Variants in SYDE2 observed in about 807,000 individuals in gnomAD.
The protein encoded by SYDE2 is rho GTPase-activating protein SYDE2.
SYDE2 carries 76 observed loss-of-function variants against 91.5 expected under a neutral mutation model. The observed-to-expected ratio is 0.83, with a 90% CI of 0.69 to 1.01. The LOEUF is 1.01. Ranked by LOEUF, SYDE2 falls within the 50% of genes least tolerant of loss-of-function variation. The pLI is 0.00. For missense variants in SYDE2, 1,364 were observed against 1,367.7 expected, an observed-to-expected ratio of 1.00 and a Z score of 0.04; for synonymous variants, 513 against 506.4, an observed-to-expected ratio of 1.01 and a Z score of -0.18.
At chr1:85,188,303 G>A (rs1658231602) in intron 2 of SYDE2, among the ~76,000 whole-genome samples, 1 of 151,974 alleles carries the variant, frequency 6.6e-6, no homozygotes, top group Admixed American at 6.6e-5. Context: ...AATTAGAAAT[G>A]CACAAAGAAA....
chr1:85,160,289 T>C (rs1485381876), intron 6 of SYDE2: 1 of 935,090 alleles, frequency 1.1e-6, no homozygotes, highest in Non-Finnish European at 1.3e-6. Context: ...TATAAAAACA[T>C]ATATATGGTT....
intron 3 of SYDE2, among the ~76,000 whole-genome samples, chr1:85,180,192 T>C (rs1317218037): frequency 6.6e-6 from 1 of 152,176 alleles, no homozygotes; most frequent in Non-Finnish European, 1.5e-5. Flanking sequence ...TCTTTGTATA[T>C]GACTATCAAA....
Position 85,191,292 on chromosome 1 carries a change from A to C in SYDE2, c.746-540T>G, listed in dbSNP as rs145973583. Among the ~76,000 whole-genome samples the C allele has an allele frequency of 5.6e-3, 850 of 152,338 alleles. 9 individuals are homozygous for C. Among genetic ancestry groups the C allele is most frequent in the African/African-American group, 0.019 (779 of 41,568 alleles). On this transcript the variant is annotated intron_variant, in intron 1 of 6. Coordinates refer to ENST00000341460, the MANE Select transcript of SYDE2 (RefSeq NM_032184.2). ...ACAATGGCACCTTATGTAGGGTTTA[A>C]GTTCTAAATATCTAGGGCAGAACTA...
Position 85,198,592 on chromosome 1 carries a change from GTTTCA to G in SYDE2, c.745+1655_745+1659del, listed in dbSNP as rs201121142. 7.7e-3 allele frequency among the ~76,000 whole-genome samples: 1,176 copies of G among 152,234 alleles called. 12 individuals are homozygous for G. Among genetic ancestry groups the G allele is most frequent in the African/African-American group, 0.027 (1,117 of 41,536 alleles). On this transcript the variant is annotated intron_variant, in intron 1 of 6. Coordinates refer to ENST00000341460, the MANE Select transcript of SYDE2 (RefSeq NM_032184.2). ...TTTCATTTTAATTTCTAAGTTAGCA[GTTTCA>G]TTTAATTAGTTGCTTAATGCAAAAA... is the stretch of plus-strand genomic sequence containing the variant.
At chr1:85,163,308 A>G (rs1322732999) in intron 6 of SYDE2, among the ~76,000 whole-genome samples, 1 of 151,192 alleles carries the variant, frequency 6.6e-6, no homozygotes, top group African/African-American at 2.4e-5. Flanking sequence ...GGGTTTCACT[A>G]TGTTGGCCAG....
chr1:85,195,101 A>AT (rs777594336), intron 1 of SYDE2, among the ~76,000 whole-genome samples: 32 of 151,904 alleles, frequency 2.1e-4, no homozygotes, highest in Admixed American at 9.2e-4. Context: ...CAGAGCTTGC[A>AT]TTGAGCCGAG....
In SYDE2 at chr1:85,160,148, A is replaced by G. The variant is rs545350327; in HGVS notation, c.3086-899T>C. ...ATAATATCTTTCTCTTTCTGCATGA[A>G]TAAGTGCCCCTTCCTATTTCCCTGC... On this transcript the variant is annotated intron_variant, in intron 6 of 6. Coordinates refer to ENST00000341460, the MANE Select transcript of SYDE2 (RefSeq NM_032184.2). The G allele has an allele frequency of 4.0e-5, 39 of 985,300 alleles. No homozygotes were observed. The South Asian group carries it at 1.8e-3, about 45-fold the overall frequency. 61.0% of individuals were successfully genotyped at this position (985,300 alleles called of 1,614,324 possible). A position where few individuals can be genotyped will look rare whatever the true frequency, so the allele number is the denominator to read the frequency against.
downstream of SYDE2, among the ~76,000 whole-genome samples, chr1:85,156,557 C>T (rs1379556061): frequency 6.6e-6 from 1 of 152,128 alleles, no homozygotes; most frequent in Admixed American, 6.5e-5. Context: ...TTATCCAACA[C>T]TTCTGGTACA....
chr1:85,198,147 C>CT (rs1435948277), intron 1 of SYDE2, among the ~76,000 whole-genome samples: 1 of 152,070 alleles, frequency 6.6e-6, no homozygotes, highest in Non-Finnish European at 1.5e-5. Context: ...TAAACAGGGG[C>CT]TTTTTTCAAA....
Position 85,200,513 on chromosome 1 carries a change from C to CTGGA in SYDE2, c.480_483dup (p.Ala162SerfsTer73). 1 of 1,613,578 alleles carries CTGGA rather than the reference C, an allele frequency of 6.2e-7. No individual in the cohort carries two copies. The highest frequency in any genetic ancestry group is 8.5e-7 in the Non-Finnish European group (1 of 1,179,888). On this transcript the variant is annotated frameshift_variant, in exon 1 of 7. Coordinates refer to ENST00000341460, the MANE Select transcript of SYDE2 (RefSeq NM_032184.2). LOFTEE classifies it high-confidence loss of function. ...CCACTGCGTATCACAGAGGACCCCG[C>CTGGA]TGGATCCCTGAAAGGGCTTCCCGAG...
chr1:85,197,606 G>A (rs1030983681), intron 1 of SYDE2, among the ~76,000 whole-genome samples: 1 of 152,066 alleles, frequency 6.6e-6, no homozygotes, highest in East Asian at 1.9e-4. Flanking sequence ...ATATTTAAAG[G>A]TAAAAGTTTA....
rs1412340113 is a variant in SYDE2 at position 85,200,559 on chromosome 1, G to C, written c.438C>G (p.Gly146=). 1.2e-6 allele frequency: 2 copies of C among 1,606,928 alleles called. No individual in the cohort carries two copies. The highest frequency in any genetic ancestry group is 2.7e-5 in the African/African-American group (2 of 74,850). ...CCGAGGAGCAGCCGTGGTCCTTGCA[G>C]CCTGGAGGCTGGAGGCCGGTGGGTG... ...AAAPTGLQPP[G]CKDHGCSSGS... is the part of the protein sequence containing the mutation. The change falls in exon 1 of 7, where the codon GGC becomes GGG. Residue 146 remains glycine, a synonymous_variant. Transcript: ENST00000341460.
In SYDE2 at chr1:85,163,108, AT is replaced by A. The variant is rs751158794; in HGVS notation, c.3085+1417del. ...TTAACTTTCCAAATTTTAAAGTTGA[AT>A]TTTTTTTTTTTTTTTGAGACGGAGT... On this transcript the variant is annotated intron_variant, in intron 6 of 6. Coordinates refer to ENST00000341460, the MANE Select transcript of SYDE2 (RefSeq NM_032184.2). 3.8e-3 allele frequency among the ~76,000 whole-genome samples: 541 copies of A among 143,190 alleles called. 1 individual carries two copies. Among genetic ancestry groups the A allele is most frequent in the African/African-American group, 7.8e-3 (305 of 39,208 alleles). 93.9% of individuals were successfully genotyped at this position (143,190 alleles called of 152,430 possible). A position where few individuals can be genotyped will look rare whatever the true frequency, so the allele number is the denominator to read the frequency against.
intron 2 of SYDE2, among the ~76,000 whole-genome samples, chr1:85,189,324 C>T (rs966536170): frequency 1.5e-4 from 23 of 152,132 alleles, no homozygotes; most frequent in African/African-American, 5.1e-4. Flanking sequence ...TTCTTTTGCT[C>T]ATGAGGAAAC....
intron 2 of SYDE2, among the ~76,000 whole-genome samples, chr1:85,188,924 T>C (rs1480649982): frequency 6.6e-6 from 1 of 152,220 alleles, no homozygotes; most frequent in African/African-American, 2.4e-5. Context: ...TCTTTAAATA[T>C]TCTGCATCAT....
At chr1:85,187,486 T>TA (rs1207217807) in intron 2 of SYDE2, among the ~76,000 whole-genome samples, 6 of 151,470 alleles carry the variant, frequency 4.0e-5, no homozygotes, top group Non-Finnish European at 5.9e-5. Flanking sequence ...GAACTAGAAA[T>TA]ACCATTTGAC....
At chr1:85,179,482 G>GAAC (rs1657829693) in intron 3 of SYDE2, among the ~76,000 whole-genome samples, 1 of 151,948 alleles carries the variant, frequency 6.6e-6, no homozygotes, top group African/African-American at 2.4e-5. Flanking sequence ...TTGAAAGATA[G>GAAC]TAAAGAACCT....
At chr1:85,198,009 T>A (rs903987997) in intron 1 of SYDE2, among the ~76,000 whole-genome samples, 1 of 152,160 alleles carries the variant, frequency 6.6e-6, no homozygotes, top group Non-Finnish European at 1.5e-5. Flanking sequence ...CCCATCTTCT[T>A]TGCAACTTTG....
At chr1:85,174,171 G>C (rs567567412) in intron 4 of SYDE2, among the ~76,000 whole-genome samples, 1 of 152,222 alleles carries the variant, frequency 6.6e-6, no homozygotes, top group South Asian at 2.1e-4. Flanking sequence ...AACAAAAACA[G>C]TTTGAAGAAA....
Sources: allele counts gnomAD v4.1 joint callset (sites outside exome capture counted in the v4.1 genomes callset), GRCh38; gene constraint gnomAD v4.1.1; transcripts MANE v1.5; gene names NCBI Gene and HGNC (gene_info 2026-07-23, HGNC 2026-07-21).